Variants in TXLNB observed in about 807,000 individuals in gnomAD.
TXLNB encodes taxilin beta.
A neutral mutation model predicts 57.4 loss-of-function variants in TXLNB; 37 were observed. That is an observed-to-expected ratio of 0.64 (90% CI 0.50 to 0.85). The LOEUF is 0.85. Among genes scored for constraint, TXLNB ranks in the 40% least tolerant of loss-of-function variants. The pLI, the probability that TXLNB is intolerant of heterozygous loss-of-function variation, is 0.00. For synonymous variants in TXLNB, 302 were observed against 309.6 expected, an observed-to-expected ratio of 0.98 and a Z score of 0.26; for missense variants, 848 against 825.6, an observed-to-expected ratio of 1.03 and a Z score of -0.33.
the TXLNB span, among the ~76,000 whole-genome samples, chr6:139,167,973 T>C: frequency 6.6e-6 from 1 of 152,210 alleles, no homozygotes; most frequent in Non-Finnish European, 1.5e-5. Flanking sequence ...CATGTACAAC[T>C]ACTGAACTTC....
At position 139,242,709 on chromosome 6, in the gene TXLNB, C is replaced by T. The variant is rs1325644933; in HGVS notation, c.1872G>A (p.Gln624=). The T allele has an allele frequency of 6.2e-7, 1 of 1,612,174 alleles. No homozygotes were observed. The highest frequency in any genetic ancestry group is 8.5e-7 in the Non-Finnish European group (1 of 1,179,416). The stretch of plus-strand genomic sequence containing the variant: ...GAGCAGGCACATCTGCCTCCATCTT[C>T]TGTAGGGAGGCCTCGGTGGGAGCCT... ...APQAPTEASL[Q]KMEADVPAPA... is the part of the protein sequence containing the mutation. Residue 624 remains glutamine (Q), a synonymous_variant, in exon 10 of 10, where the codon CAG becomes CAA. Coordinates refer to ENST00000358430, the MANE Select transcript of TXLNB (RefSeq NM_153235.4).
chr6:139,190,199 A>T, the TXLNB span, among the ~76,000 whole-genome samples: 1 of 152,180 alleles, frequency 6.6e-6, no homozygotes, highest in Non-Finnish European at 1.5e-5. Context: ...AGACTGCGTA[A>T]CTTATAAACA....
chr6:139,285,683 T>C (rs1327729902), intron 2 of TXLNB, among the ~76,000 whole-genome samples: 1 of 145,168 alleles, frequency 6.9e-6, no homozygotes, highest in Non-Finnish European at 1.5e-5. Context: ...TTTAGCATCA[T>C]AGCGATATCT....
chr6:139,272,299 T>C (rs1176241670), intron 3 of TXLNB, among the ~76,000 whole-genome samples: 1 of 152,048 alleles, frequency 6.6e-6, no homozygotes, highest in Non-Finnish European at 1.5e-5. Context: ...AGAGCAAGAC[T>C]CCATCTCAAA....
the TXLNB span, among the ~76,000 whole-genome samples, chr6:139,214,787 T>C: frequency 6.6e-6 from 1 of 152,188 alleles, no homozygotes; most frequent in African/African-American, 2.4e-5. Context: ...AGTCTCAGGA[T>C]ACAAAATCAA....
Position 139,284,061 on chromosome 6 carries a change from C to A in TXLNB, c.424+4415G>T. Among the ~76,000 whole-genome samples the A allele has an allele frequency of 1.4e-5, 2 of 145,416 alleles. 1 individual carries two copies. Among genetic ancestry groups the A allele is most frequent in the Non-Finnish European group, 3.1e-5 (2 of 65,374 alleles). ...CTGTGTCAAAATTACCCAGGGTGAA[C>A]ATCTCCCATGCTCGCCTAAAAATTT... On this transcript the variant is annotated intron_variant, in intron 2 of 9. Coordinates refer to ENST00000358430, the MANE Select transcript of TXLNB (RefSeq NM_153235.4).
Position 139,281,333 on chromosome 6 carries a change from T to G in TXLNB, c.425-4412A>C, listed in dbSNP as rs565136381. ...ACAAAGGTTCTCTTACTCCTCACTG[T>G]CACCACTCATTGTCAGGGTTTTCAT... On this transcript the variant is annotated intron_variant, in intron 2 of 9. Coordinates refer to ENST00000358430, the MANE Select transcript of TXLNB (RefSeq NM_153235.4). 1.6e-4 allele frequency among the ~76,000 whole-genome samples: 24 copies of G among 152,304 alleles called. No homozygotes were observed. In the South Asian group the frequency reaches 5.0e-3, roughly 32 times the overall value.
At chr6:139,219,060 G>A in the TXLNB span, among the ~76,000 whole-genome samples, 1 of 152,152 alleles carries the variant, frequency 6.6e-6, no homozygotes, top group African/African-American at 2.4e-5. Flanking sequence ...CCACTGTCTA[G>A]CACAGGGTAA....
chr6:139,244,878 A>G (rs7766361), intron 8 of TXLNB, among the ~76,000 whole-genome samples, 188 bp from the exon 9 acceptor site: 1 of 152,244 alleles, frequency 6.6e-6, no homozygotes, highest in Non-Finnish European at 1.5e-5. Context: ...GGGCAGTGGC[A>G]AGCAAACTTA....
chr6:139,259,412 A>G (rs1231987602), intron 6 of TXLNB, among the ~76,000 whole-genome samples: 1 of 152,072 alleles, frequency 6.6e-6, no homozygotes. Context: ...TGCTTCCCTG[A>G]CCTTTTCCTG....
At chr6:139,253,251 A>G (rs895505107) in intron 7 of TXLNB, among the ~76,000 whole-genome samples, 1 of 152,208 alleles carries the variant, frequency 6.6e-6, no homozygotes, top group African/African-American at 2.4e-5. Flanking sequence ...CTTTGGATGC[A>G]TGATTTGAAA....
intron 7 of TXLNB, among the ~76,000 whole-genome samples, chr6:139,254,677 G>A (rs1186213194): frequency 1.3e-5 from 2 of 152,154 alleles, no homozygotes; most frequent in Admixed American, 6.5e-5. Flanking sequence ...AACCCCCAGA[G>A]TCTAACAGAA....
the TXLNB span, among the ~76,000 whole-genome samples, chr6:139,232,735 C>T: frequency 6.6e-6 from 1 of 152,146 alleles, no homozygotes; most frequent in Admixed American, 6.5e-5. Context: ...GTTTTAGAAC[C>T]CTGACCTTTA....
At chr6:139,293,285 T>G (rs1759942382), upstream of TXLNB, among the ~76,000 whole-genome samples, 1 of 151,870 alleles carries the variant, frequency 6.6e-6, no homozygotes, top group African/African-American at 2.4e-5. Context: ...AGAGACGGGG[T>G]TTCGCTGTGT....
chr6:139,300,123 A>G, the TXLNB span, among the ~76,000 whole-genome samples: 1 of 152,154 alleles, frequency 6.6e-6, no homozygotes, highest in African/African-American at 2.4e-5. Context: ...ATCACAAAGC[A>G]ATTCTCAGGA....
At chr6:139,286,638 C>G (rs1252592375) in intron 2 of TXLNB, among the ~76,000 whole-genome samples, 1 of 152,198 alleles carries the variant, frequency 6.6e-6, no homozygotes, top group African/African-American at 2.4e-5. Flanking sequence ...TGGCAGGCGA[C>G]AGAGCAAAAC....
At chr6:139,322,737 C>T in the TXLNB span, among the ~76,000 whole-genome samples, 110 of 152,326 alleles carry the variant, frequency 7.2e-4, no homozygotes, top group African/African-American at 2.4e-3. Context: ...CCTAAAATAT[C>T]GATGCCTCCC....
the TXLNB span, among the ~76,000 whole-genome samples, chr6:139,222,934 A>AC: frequency 1.3e-5 from 2 of 152,244 alleles, no homozygotes; most frequent in Non-Finnish European, 2.9e-5. Flanking sequence ...ACCAAAAATA[A>AC]ATAAACAAAT....
the TXLNB span, among the ~76,000 whole-genome samples, chr6:139,193,241 C>CT: frequency 0.012 from 1,204 of 101,220 alleles, 29 homozygotes; most frequent in African/African-American, 0.013. Flanking sequence ...CTTTGACCCT[C>CT]TTTTTTTTTT....
Sources: gnomAD v4.1 joint callset for allele counts (sites outside exome capture counted in the v4.1 genomes callset) on GRCh38, gnomAD v4.1.1 for gene constraint, MANE v1.5 for transcripts, NCBI Gene and HGNC (gene_info 2026-07-23, HGNC 2026-07-21) for gene names.